The following SPAG9 variants were observed in gnomAD, a reference collection of about 807,000 sequenced individuals.
SPAG9 encodes C-Jun-amino-terminal kinase-interacting protein 4.
SPAG9 carries 35 observed loss-of-function variants against 166.5 expected under a neutral mutation model. The observed-to-expected ratio is 0.21, with a 90% confidence interval of 0.16 to 0.28. The LOEUF is 0.28. Among genes scored for constraint, SPAG9 ranks in the 10% least tolerant of loss-of-function variants. The pLI is 1.00. For missense variants in SPAG9, 1,235 were observed against 1,603.3 expected (o/e 0.77, Z 3.92); for synonymous variants, 534 against 565.5 (o/e 0.94, Z 0.79).
Position 50,998,458 on chromosome 17 carries a change from A to T in SPAG9, c.1824T>A (p.Asp608Glu). The T allele has an allele frequency of 6.2e-7, 1 of 1,613,600 alleles. No individual in the cohort carries two copies. Among genetic ancestry groups the T allele is most frequent in the Non-Finnish European group, 8.5e-7 (1 of 1,179,796 alleles). ...QLPGDKSKAF[D>E]FLSEETEASL... is the part of the protein sequence containing the mutation. ...AAAAGACTTACTCTTCACTAAGGAA[A>T]TCAAAGGCTTTGGACTTATCCCCAG... is the stretch of plus-strand genomic sequence containing the variant. The change falls in exon 15 of 30, where the codon GAT becomes GAA. Residue 608 changes from aspartate (D) to glutamate (E), a missense_variant. Asp to Glu is a conservative substitution (Grantham distance 45). Around this residue, in one of 6 missense-constraint regions of SPAG9, gnomAD observed 493 missense variants for 559.4 expected, o/e 0.88. Coordinates refer to ENST00000262013, the MANE Select transcript of SPAG9 (RefSeq NM_001130528.3).
chr17:51,000,551 T>C (rs1031258615), intron 13 of SPAG9, among the ~76,000 whole-genome samples: 1 of 151,946 alleles, frequency 6.6e-6, no homozygotes, highest in Non-Finnish European at 1.5e-5. Flanking sequence ...CTGACCAACA[T>C]GGTGAAACCC....
At chr17:51,089,481 G>A (rs2048390271) in intron 1 of SPAG9, among the ~76,000 whole-genome samples, 3 of 148,784 alleles carry the variant, frequency 2.0e-5, no homozygotes, top group Admixed American at 6.8e-5. Context: ...CCGAAATCTC[G>A]GAAATCACCA....
At chr17:51,018,743 G>C (rs1031296650) in intron 8 of SPAG9, among the ~76,000 whole-genome samples, 1 of 152,052 alleles carries the variant, frequency 6.6e-6, no homozygotes. Context: ...TGAAGTGTCC[G>C]GCAGGCTGGA....
chr17:50,966,698 A>G (rs1973388823), intron 29 of SPAG9, among the ~76,000 whole-genome samples: 2 of 152,226 alleles, frequency 1.3e-5, no homozygotes, highest in Non-Finnish European at 2.9e-5. Flanking sequence ...GGAAGCTAAG[A>G]AGGCAATTCT....
At chr17:50,974,653 A>T in intron 28 of SPAG9, 118 bp downstream of exon 28, 1 of 823,452 alleles carries the variant, frequency 1.2e-6, no homozygotes, top group Admixed American at 3.7e-5. Flanking sequence ...CTTCCTTCGT[A>T]TATATTGAAA....
chr17:51,077,053 G>GCTATCTATCTAGCTAT (rs1491115048), intron 2 of SPAG9, among the ~76,000 whole-genome samples: 1 of 113,186 alleles, frequency 8.8e-6, no homozygotes, highest in East Asian at 2.6e-4. Flanking sequence ...TAGCTATCTA[G>GCTATCTATCTAGCTAT]CTAGCTATCT....
intron 4 of SPAG9, among the ~76,000 whole-genome samples, chr17:51,045,211 C>G (rs866343739): frequency 3.9e-5 from 6 of 152,150 alleles, no homozygotes; most frequent in Admixed American, 1.3e-4. Context: ...TTGCAGGCGC[C>G]GCACAGCAGC....
At chr17:51,090,743 A>G (rs1328688881) in intron 1 of SPAG9, among the ~76,000 whole-genome samples, 8 of 152,226 alleles carry the variant, frequency 5.3e-5, no homozygotes, top group Non-Finnish European at 4.4e-5. Context: ...AAGGCTGATA[A>G]GAGATGGCTG....
intron 9 of SPAG9, among the ~76,000 whole-genome samples, chr17:51,010,098 G>T (rs1376293739): frequency 1.3e-5 from 2 of 151,810 alleles, no homozygotes; most frequent in African/African-American, 4.8e-5. Flanking sequence ...TAAAATCACA[G>T]AAGTTTCATT....
rs143722772 is a variant in SPAG9, at chr17:51,007,159, C to T, written c.1271+110G>A. On this transcript the variant is annotated intron_variant, in intron 10 of 29. Transcript: ENST00000262013. ...TGTGTGCACACTCAGAGTTGGGGAACGAGATGGGACAGGGAGATTCCATTA... is the reference window on the plus strand; with the variant it reads ...TGTGTGCACACTCAGAGTTGGGGAATGAGATGGGACAGGGAGATTCCATTA... The T allele has an allele frequency of 2.8e-3, 1,503 of 546,206 alleles. 4 individuals are homozygous for T. The highest frequency in any genetic ancestry group is 3.8e-3 in the Non-Finnish European group (1,162 of 309,700). The allele number at this position is 546,206 out of a possible 1,614,324, so 33.8% of individuals were successfully genotyped here.
At chr17:51,012,717 A>ACTT (rs2045538081) in intron 9 of SPAG9, among the ~76,000 whole-genome samples, 1 of 148,480 alleles carries the variant, frequency 6.7e-6, no homozygotes, top group Admixed American at 6.8e-5. Flanking sequence ...CTCTCTTACT[A>ACTT]GATACTTTAT....
chr17:51,106,145 AC>A (rs1306295747), intron 1 of SPAG9, among the ~76,000 whole-genome samples: 1 of 147,664 alleles, frequency 6.8e-6, no homozygotes, highest in Non-Finnish European at 1.5e-5. Flanking sequence ...ACACACACAC[AC>A]ACACACACTA....
chr17:50,993,962 T>C (rs1242988494), intron 18 of SPAG9, 27 bp from the exon 19 acceptor site: 2 of 1,597,692 alleles, frequency 1.3e-6, no homozygotes, highest in African/African-American at 1.3e-5. Context: ...GGAAAAATGT[T>C]TAAAACAATA....
Position 50,963,835 on chromosome 17 carries a change from G to A in SPAG9, c.*2437C>T, listed in dbSNP as rs896489530. On this transcript the variant is annotated 3_prime_UTR_variant, in exon 30 of 30. Coordinates refer to ENST00000262013, the MANE Select transcript of SPAG9 (RefSeq NM_001130528.3). ...AAAAGATATTGCCAAAAATGGCTCA[G>A]ATTTAAGATGAAATAAAAACATAGC... The A allele has an allele frequency of 2.0e-5, 3 of 152,190 alleles. No homozygotes were observed. Among genetic ancestry groups the A allele is most frequent in the Non-Finnish European group, 2.9e-5 (2 of 68,034 alleles). 9.4% of individuals were successfully genotyped at this position (152,190 alleles called of 1,614,324 possible). A position where few individuals can be genotyped will look rare whatever the true frequency, so the allele number is the denominator to read the frequency against.
chr17:50,986,646 A>G (rs1975072613), intron 22 of SPAG9, among the ~76,000 whole-genome samples: 1 of 152,202 alleles, frequency 6.6e-6, no homozygotes, highest in South Asian at 2.1e-4. Context: ...ACCATATAAT[A>G]TTAGTCATCA....
chr17:51,018,658 G>T (rs1027732759), intron 8 of SPAG9, among the ~76,000 whole-genome samples: 2 of 152,104 alleles, frequency 1.3e-5, no homozygotes, highest in Non-Finnish European at 2.9e-5. Flanking sequence ...TAGGGGGAGG[G>T]GCCCTGGACC....
intron 25 of SPAG9, 92 bp downstream of exon 25, chr17:50,982,432 C>T: frequency 2.4e-6 from 3 of 1,225,002 alleles, no homozygotes; most frequent in Non-Finnish European, 3.4e-6. Context: ...GATCCAGAAA[C>T]AATTTCTAAA....
intron 1 of SPAG9, among the ~76,000 whole-genome samples, chr17:51,091,252 G>A (rs950785702): frequency 1.2e-3 from 179 of 143,834 alleles, no homozygotes; most frequent in Non-Finnish European, 1.8e-3. Flanking sequence ...CAGCCTGAGC[G>A]ACGGATCAAG....
chr17:51,038,260 G>A (rs927396365), intron 5 of SPAG9, among the ~76,000 whole-genome samples: 12 of 152,080 alleles, frequency 7.9e-5, no homozygotes, highest in Non-Finnish European at 2.9e-5. Flanking sequence ...TGCATAGATG[G>A]CATTTACAGA....
Sources: allele counts gnomAD v4.1 joint callset (sites outside exome capture counted in the v4.1 genomes callset), GRCh38; gene constraint gnomAD v4.1.1; regional missense constraint gnomAD v4.1.1; transcripts MANE v1.5; gene names NCBI Gene and HGNC (gene_info 2026-07-23, HGNC 2026-07-21).